The following RHOJ variants were observed in gnomAD, a reference collection of about 807,000 sequenced individuals.
RHOJ encodes ras homolog family member J.
RHOJ carries 11 observed loss-of-function variants against 23.4 expected under a neutral mutation model. That is an observed-to-expected ratio of 0.47 (90% CI 0.30 to 0.78). The LOEUF (loss-of-function observed/expected upper bound fraction) is 0.78, where lower values mean the gene tolerates loss of function less well. Among genes scored for constraint, RHOJ ranks in the 30% least tolerant of loss-of-function variants. The probability of loss-of-function intolerance (pLI) is 0.08; values close to 1 mark genes in which losing one functional copy is unlikely to be tolerated. For synonymous variants in RHOJ, 102 were observed against 102.7 expected (o/e 0.99, Z 0.04); for missense variants, 254 against 273.4 (o/e 0.93, Z 0.50).
intron 1 of RHOJ, among the ~76,000 whole-genome samples, chr14:63,246,619 A>G (rs113167732): frequency 1.6e-4 from 25 of 152,338 alleles, no homozygotes; most frequent in Admixed American, 4.6e-4. Context: ...AACATTAGCT[A>G]TTATTCATAT....
chr14:63,285,933 T>G (rs762095037), intron 4 of RHOJ, among the ~76,000 whole-genome samples: 1 of 152,238 alleles, frequency 6.6e-6, no homozygotes, highest in Non-Finnish European at 1.5e-5. Context: ...TTTGCCATTT[T>G]TTCTTTTTTA....
chr14:63,245,799 C>G (rs1894966423), intron 1 of RHOJ, among the ~76,000 whole-genome samples: 1 of 152,150 alleles, frequency 6.6e-6, no homozygotes, highest in Non-Finnish European at 1.5e-5. Context: ...CTTAACTAAC[C>G]ATGGATGCTA....
intron 1 of RHOJ, among the ~76,000 whole-genome samples, chr14:63,232,930 A>G (rs868574984): frequency 3.4e-4 from 51 of 152,054 alleles, no homozygotes; most frequent in African/African-American, 1.2e-3. Flanking sequence ...TCCTGGACTC[A>G]AGCAATCCAC....
chr14:63,221,299 A>C (rs1894489094), intron 1 of RHOJ, among the ~76,000 whole-genome samples: 1 of 152,148 alleles, frequency 6.6e-6, no homozygotes, highest in African/African-American at 2.4e-5. Flanking sequence ...CACTGAACTG[A>C]GCTTGGGCAA....
intron 1 of RHOJ, among the ~76,000 whole-genome samples, chr14:63,245,871 G>C (rs930711693): frequency 6.6e-6 from 1 of 152,174 alleles, no homozygotes; most frequent in African/African-American, 2.4e-5. Flanking sequence ...GAAGAAGGGG[G>C]TGATTAGAGC....
intron 1 of RHOJ, among the ~76,000 whole-genome samples, chr14:63,229,698 C>T (rs1014723773): frequency 6.6e-6 from 1 of 152,166 alleles, no homozygotes; most frequent in African/African-American, 2.4e-5. Context: ...TTCCCTTCTG[C>T]TACCAGCTAG....
At chr14:63,239,898 G>A (rs1164667666) in intron 1 of RHOJ, among the ~76,000 whole-genome samples, 1 of 152,206 alleles carries the variant, frequency 6.6e-6, no homozygotes, top group Non-Finnish European at 1.5e-5. Flanking sequence ...GTCAGGGCCA[G>A]GCTAAAAGAC....
intron 1 of RHOJ, among the ~76,000 whole-genome samples, chr14:63,230,840 G>GTTTTTTTT (rs1566611310): frequency 1.3e-4 from 13 of 96,712 alleles, no homozygotes; most frequent in African/African-American, 6.9e-4. Context: ...AGGGTACAAG[G>GTTTTTTTT]CTTTTTTTTT....
At chr14:63,256,614 C>T (rs1895170139) in intron 1 of RHOJ, among the ~76,000 whole-genome samples, 1 of 152,124 alleles carries the variant, frequency 6.6e-6, no homozygotes, top group Non-Finnish European at 1.5e-5. Flanking sequence ...TGTACCAGTC[C>T]CCCCAGGAAA....
chr14:63,251,424 C>G (rs1013593183), intron 1 of RHOJ, among the ~76,000 whole-genome samples: 2 of 152,200 alleles, frequency 1.3e-5, no homozygotes, highest in African/African-American at 4.8e-5. Flanking sequence ...TGTAAGTCTT[C>G]TCTTTACAAA....
Position 63,204,561 on chromosome 14 carries a change from G to A in RHOJ, c.-309G>A, listed in dbSNP as rs1894063873. The A allele has an allele frequency of 2.5e-6, 1 of 394,474 alleles. No individual in the cohort carries two copies. Among genetic ancestry groups the A allele is most frequent in the African/African-American group, 2.1e-5 (1 of 48,628 alleles). The allele number at this position is 394,474 out of a possible 1,614,324, so 24.4% of individuals were successfully genotyped here. A position where few individuals can be genotyped will look rare whatever the true frequency, so the allele number is the denominator to read the frequency against. ...CAGGGAGAGCAGAGTAAAACCCTCA[G>A]GCTGCTGAAATTTCTAGGCTGTTAG... On this transcript the variant is annotated 5_prime_UTR_variant, in exon 1 of 5. Coordinates refer to ENST00000316754, the MANE Select transcript of RHOJ (RefSeq NM_020663.5).
At chr14:63,221,437 G>A (rs1326346919) in intron 1 of RHOJ, among the ~76,000 whole-genome samples, 1 of 152,158 alleles carries the variant, frequency 6.6e-6, no homozygotes, top group Non-Finnish European at 1.5e-5. Flanking sequence ...TAGGTACTTG[G>A]TAATAAATGC....
intron 1 of RHOJ, among the ~76,000 whole-genome samples, chr14:63,212,270 G>A (rs1894254116): frequency 6.6e-6 from 1 of 152,164 alleles, no homozygotes. Context: ...AAGGAGGCTG[G>A]AGGGAAAGCC....
intron 2 of RHOJ, among the ~76,000 whole-genome samples, chr14:63,279,461 A>G (rs190290787): frequency 6.6e-6 from 1 of 152,366 alleles, no homozygotes; most frequent in East Asian, 1.9e-4. Flanking sequence ...ACTAAATTCT[A>G]TAAAAACATA....
intron 1 of RHOJ, among the ~76,000 whole-genome samples, chr14:63,217,114 T>A (rs1425391126): frequency 6.6e-6 from 1 of 150,894 alleles, no homozygotes; most frequent in East Asian, 2.0e-4. Flanking sequence ...TACTTTAAGT[T>A]TTAGGGTACA....
At chr14:63,228,391 G>T (rs1194938899) in intron 1 of RHOJ, among the ~76,000 whole-genome samples, 2 of 152,092 alleles carry the variant, frequency 1.3e-5, no homozygotes, top group Non-Finnish European at 2.9e-5. Context: ...ATGACTTACA[G>T]GCTCATTCTT....
In RHOJ at chr14:63,228,503, A is replaced by G. The variant is rs1421755322; in HGVS notation, c.178+23456A>G. Among the ~76,000 whole-genome samples, 4 of 152,354 alleles carry G rather than the reference A, an allele frequency of 2.6e-5. No individual in the cohort carries two copies. The East Asian group carries it at 5.8e-4, about 22-fold the overall frequency. On this transcript the variant is annotated intron_variant, in intron 1 of 4. Coordinates refer to ENST00000316754, the MANE Select transcript of RHOJ (RefSeq NM_020663.5). The stretch of plus-strand genomic sequence containing the variant: ...TGACACACTCATAAAATGGAATACC[A>G]TGCAATTGTTAAGAATAATGAGGAA...
At chr14:63,241,269 C>CT (rs1894879427) in intron 1 of RHOJ, among the ~76,000 whole-genome samples, 1 of 152,164 alleles carries the variant, frequency 6.6e-6, no homozygotes, top group Non-Finnish European at 1.5e-5. Flanking sequence ...CATCTGTCCT[C>CT]TAAGTTTTCT....
intron 1 of RHOJ, among the ~76,000 whole-genome samples, chr14:63,213,506 A>G (rs1279556818): frequency 3.9e-5 from 6 of 152,176 alleles, no homozygotes; most frequent in Non-Finnish European, 5.9e-5. Flanking sequence ...TGTGTTGTAT[A>G]TGTACCACAT....
Sources: gnomAD v4.1 joint callset for allele counts (sites outside exome capture counted in the v4.1 genomes callset) on GRCh38, gnomAD v4.1.1 for gene constraint, MANE v1.5 for transcripts, NCBI Gene and HGNC (gene_info 2026-07-23, HGNC 2026-07-21) for gene names.